Variants in CPB1 observed in about 807,000 individuals in gnomAD.
CPB1 encodes the protein carboxypeptidase B.
Under a neutral mutation model 51.4 loss-of-function variants are expected in CPB1, and 53 were observed. That is an observed-to-expected ratio of 1.03 (90% confidence interval 0.83 to 1.30). The LOEUF is 1.30. Among genes scored for constraint, CPB1 ranks in the 50% most tolerant of loss-of-function variants. The pLI, the probability that CPB1 is intolerant of heterozygous loss-of-function variation, is 0.00. For synonymous variants in CPB1, 189 were observed against 186.9 expected (o/e 1.01, Z -0.09); for missense variants, 494 against 516.2 (o/e 0.96, Z 0.42).
chr3:148,857,151 C>T (rs545552575), intron 9 of CPB1: 1 of 159,040 alleles, frequency 6.3e-6, no homozygotes, highest in East Asian at 1.7e-4. Flanking sequence ...AGGTAAACAA[C>T]TTCTTTGCAC....
At chr3:148,849,689 A>C (rs1285047535) in intron 9 of CPB1, among the ~76,000 whole-genome samples, 1 of 152,216 alleles carries the variant, frequency 6.6e-6, no homozygotes, top group Admixed American at 6.5e-5. Context: ...AGAGCGCACT[A>C]CACAAAGGTG....
chr3:148,845,772 T>C, intron 9 of CPB1, 146 bp downstream of exon 9: 1 of 656,062 alleles, frequency 1.5e-6, no homozygotes, highest in Non-Finnish European at 2.6e-6. Flanking sequence ...ATTACAGATT[T>C]ATAAGGAATC....
At position 148,840,898 on chromosome 3, in the gene CPB1, G is replaced by A. The variant is rs745606506; in HGVS notation, c.397G>A (p.Ala133Thr). 36 of 1,613,900 alleles carry A rather than the reference G, an allele frequency of 2.2e-5. No homozygotes were observed. Among genetic ancestry groups the A allele is most frequent in the Admixed American group, 3.3e-5 (2 of 59,992 alleles). The change falls in exon 5 of 11, where the codon GCC (alanine) becomes ACC (threonine). Residue 133 changes from alanine (A) to threonine (T), a missense_variant. Ala to Thr is a moderately conservative substitution (Grantham distance 58, BLOSUM62 0). Coordinates refer to ENST00000282957, the MANE Select transcript of CPB1 (RefSeq NM_001871.3). ...GATAGAGGCTTGGACTCAACAAGTC[G>A]CCACTGAGAATCCAGCCCTCATCTC... ...ETIEAWTQQV[A>T]TENPALISRS... is the part of the protein sequence containing the mutation.
chr3:148,842,485 A>T (rs1713114774), intron 6 of CPB1, among the ~76,000 whole-genome samples: 1 of 152,224 alleles, frequency 6.6e-6, no homozygotes, highest in Non-Finnish European at 1.5e-5. Context: ...AGGCCTTTTA[A>T]AAACAAGTTT....
chr3:148,841,077 G>T (rs1285873164), intron 5 of CPB1, 102 bp downstream of exon 5: 5 of 927,066 alleles, frequency 5.4e-6, no homozygotes, highest in Non-Finnish European at 8.3e-6. Context: ...CCCAAACATT[G>T]TTATAACTCT....
At chr3:148,842,013 G>A in intron 6 of CPB1, 89 bp downstream of exon 6, 1 of 1,017,362 alleles carries the variant, frequency 9.8e-7, no homozygotes, top group Non-Finnish European at 1.5e-6. Flanking sequence ...TAATAACACA[G>A]AAAAAAATAC....
chr3:148,840,533 T>C (rs1713043930), intron 3 of CPB1, among the ~76,000 whole-genome samples, 153 bp from the exon 4 acceptor site: 1 of 152,206 alleles, frequency 6.6e-6, no homozygotes, highest in Non-Finnish European at 1.5e-5. Flanking sequence ...CTGGAGCAGC[T>C]GAAGGTCATC....
chr3:148,857,522 C>T lies in CPB1; in HGVS notation c.1047C>T (p.Gly349=). ...TGCACGGCACCAAGTACACATATGG[C>T]CCGGGAGCTACAACAATCTGTGAGT... is the stretch of plus-strand genomic sequence containing the variant. The part of the protein sequence containing the change: ...ASLHGTKYTY[G]PGATTIYPAA... Residue 349 remains glycine, a synonymous_variant, in exon 10 of 11, where the codon GGC becomes GGT. Coordinates refer to ENST00000282957, the MANE Select transcript of CPB1 (RefSeq NM_001871.3). 6.2e-7 allele frequency: 1 copy of T among 1,613,630 alleles called. No homozygotes were observed. Among genetic ancestry groups the T allele is most frequent in the Non-Finnish European group, 8.5e-7 (1 of 1,179,632 alleles).
Position 148,844,798 on chromosome 3 carries a change from T to C in CPB1, c.778+31T>C, listed in dbSNP as rs773535165. ...TATCTGGCTAGCCATTTTGCATGTA[T>C]CCATTGAAAAACATAAGAGGAAAAA... On this transcript the variant is annotated intron_variant, in intron 8 of 10. Transcript: ENST00000282957. The C allele has an allele frequency of 3.2e-6, 5 of 1,581,704 alleles. No individual in the cohort carries two copies. In the Admixed American group the frequency reaches 8.4e-5, roughly 27 times the overall value.
Position 148,860,010 on chromosome 3 carries a change from A to G in CPB1, c.*8A>G. The G allele has an allele frequency of 6.3e-7, 1 of 1,596,906 alleles. No homozygotes were observed. The highest frequency in any genetic ancestry group is 8.5e-7 in the Non-Finnish European group (1 of 1,172,260). ...CTGGAACACCTGTACTAGTTGAGAA[A>G]GCTGATGGCCTTGTTTCAAAATTCT... is the stretch of plus-strand genomic sequence containing the variant. On this transcript the variant is annotated 3_prime_UTR_variant, in exon 11 of 11. Coordinates refer to ENST00000282957, the MANE Select transcript of CPB1 (RefSeq NM_001871.3).
rs1204829510 is a variant in CPB1 at position 148,845,494 on chromosome 3, C to A, written c.849C>A (p.Thr283=). The A allele has an allele frequency of 1.2e-6, 2 of 1,613,768 alleles. No individual in the cohort carries two copies. The highest frequency in any genetic ancestry group is 3.3e-5 in the Admixed American group (2 of 59,976). Residue 283 remains threonine, a synonymous_variant, in exon 9 of 11, where the codon ACC becomes ACA. Coordinates refer to ENST00000282957, the MANE Select transcript of CPB1 (RefSeq NM_001871.3). ...CTGCCGCAGAGTCTGAAAAGGAGAC[C>A]AAGGCCCTGGCTGATTTCATCCGCA... The part of the protein sequence containing the change: ...CGPAAESEKE[T]KALADFIRNK...
chr3:148,835,147 G>T (rs1022467290), intron 3 of CPB1, among the ~76,000 whole-genome samples: 3 of 152,166 alleles, frequency 2.0e-5, no homozygotes, highest in Non-Finnish European at 2.9e-5. Flanking sequence ...GCAAAGAAAG[G>T]ACTAGAGTAG....
intron 9 of CPB1, chr3:148,851,611 A>T (rs1307223716): frequency 6.6e-6 from 1 of 152,238 alleles, no homozygotes; most frequent in Non-Finnish European, 1.5e-5. Flanking sequence ...CTCAGTGAAG[A>T]TTATAGAGAG....
At chr3:148,830,677 C>A (rs982354676) in intron 2 of CPB1, among the ~76,000 whole-genome samples, 1 of 152,102 alleles carries the variant, frequency 6.6e-6, no homozygotes, top group South Asian at 2.1e-4. Context: ...GAAGGTATTT[C>A]TGTTTAAATC....
intron 3 of CPB1, among the ~76,000 whole-genome samples, chr3:148,837,487 A>C (rs1199717610): frequency 6.6e-6 from 1 of 151,766 alleles, no homozygotes; most frequent in African/African-American, 2.4e-5. Context: ...TTAGAAAAAA[A>C]AAAAAAAAAA....
At chr3:148,832,490 G>A (rs1013036133) in intron 2 of CPB1, among the ~76,000 whole-genome samples, 10 of 152,146 alleles carry the variant, frequency 6.6e-5, no homozygotes, top group Non-Finnish European at 1.0e-4. Context: ...TATCTGGGAA[G>A]TGCAGGGAGC....
intron 9 of CPB1, among the ~76,000 whole-genome samples, chr3:148,845,934 T>C (rs116859749): frequency 6.6e-6 from 1 of 152,314 alleles, no homozygotes; most frequent in East Asian, 1.9e-4. Flanking sequence ...TATGAGATAA[T>C]CAACAAAGTT....
Position 148,844,634 on chromosome 3 carries a change from G to T in CPB1, c.688-43G>T, listed in dbSNP as rs375031841. ...AGAGGCTGATGAAATTAAAACCAAC[G>T]CCTCTCTATTATATTTGTCCTAACT... On this transcript the variant is annotated intron_variant, in intron 7 of 10. Transcript: ENST00000282957. The T allele has an allele frequency of 3.1e-6, 5 of 1,611,946 alleles. No homozygotes were observed. In the East Asian group the frequency reaches 6.7e-5, roughly 22 times the overall value.
At chr3:148,858,688 C>T (rs1324033414) in intron 10 of CPB1, among the ~76,000 whole-genome samples, 2 of 152,152 alleles carry the variant, frequency 1.3e-5, no homozygotes, top group African/African-American at 4.8e-5. Context: ...ATTAGACACT[C>T]AGTGTATGCA....
Sources: gnomAD v4.1 joint callset for allele counts (sites outside exome capture counted in the v4.1 genomes callset) on GRCh38, gnomAD v4.1.1 for gene constraint, MANE v1.5 for transcripts, NCBI Gene and HGNC (gene_info 2026-07-23, HGNC 2026-07-21) for gene names.